HHIPL1: variants seen among roughly 807,000 people sequenced by gnomAD.
HHIPL1 encodes the protein HHIP-like protein 1.
A neutral mutation model predicts 61.8 loss-of-function variants in HHIPL1; 43 were observed. That is an observed-to-expected ratio of 0.70 (90% CI 0.55 to 0.90). HHIPL1 has a LOEUF of 0.90. HHIPL1 is among the 40% of genes least tolerant of loss of function. The pLI is 0.00. For missense variants in HHIPL1, 1,056 were observed against 1,157.7 expected, an observed-to-expected ratio of 0.91 and a Z score of 1.28; for synonymous variants, 482 against 515.8, an observed-to-expected ratio of 0.93 and a Z score of 0.89.
chr14:99,621,107 CT>C, the HHIPL1 span, among the ~76,000 whole-genome samples: 19 of 151,630 alleles, frequency 1.3e-4, no homozygotes, highest in East Asian at 5.8e-4. Flanking sequence ...GTTATGCCCA[CT>C]TTTTTTTTGA....
rs1221339596 is a variant in HHIPL1, at chr14:99,672,303, T to C, written c.1731-14T>C. On this transcript the variant is annotated splice_polypyrimidine_tract_variant and intron_variant, in intron 7 of 8. Coordinates refer to ENST00000330710, the MANE Select transcript of HHIPL1 (RefSeq NM_001127258.3). The stretch of plus-strand genomic sequence containing the variant: ...CCAGGGTGAGACTCATAACCTCCTG[T>C]GTGTCGTTGGCAGGCGGGCACCACC... The C allele has an allele frequency of 6.4e-7, 1 of 1,550,672 alleles. No homozygotes were observed. Among genetic ancestry groups the C allele is most frequent in the Non-Finnish European group, 8.7e-7 (1 of 1,146,544 alleles).
chr14:99,665,051 G>A (rs143002395), intron 6 of HHIPL1, among the ~76,000 whole-genome samples: 2 of 152,032 alleles, frequency 1.3e-5, no homozygotes, highest in Non-Finnish European at 2.9e-5. Flanking sequence ...AGCCCCCGGA[G>A]CAGCTGGGAT....
intron 5 of HHIPL1, among the ~76,000 whole-genome samples, chr14:99,661,032 G>A (rs983730697): frequency 2.0e-5 from 3 of 152,208 alleles, no homozygotes; most frequent in Non-Finnish European, 2.9e-5. Flanking sequence ...TGCTGTGGGA[G>A]GAGGATGAAT....
intron 1 of HHIPL1, among the ~76,000 whole-genome samples, chr14:99,645,963 C>G (rs73348539): frequency 0.18 from 27,186 of 152,208 alleles, 2,563 homozygotes; most frequent in Middle Eastern, 0.3. Flanking sequence ...GCCACTGTCC[C>G]CCACGAGCGT....
the HHIPL1 span, among the ~76,000 whole-genome samples, chr14:99,616,411 G>T: frequency 0.16 from 23,955 of 152,200 alleles, 2,424 homozygotes; most frequent in East Asian, 0.31. Context: ...AAAAATTATG[G>T]TGTAGCATTA....
At chr14:99,669,032 T>G in intron 7 of HHIPL1, 1 of 1,486,018 alleles carries the variant, frequency 6.7e-7, no homozygotes, top group Admixed American at 2.5e-5. Context: ...TGCCTTCACC[T>G]CACCCTCTTC....
chr14:99,648,428 T>C (rs2055875226), intron 1 of HHIPL1, among the ~76,000 whole-genome samples: 1 of 152,156 alleles, frequency 6.6e-6, no homozygotes, highest in Non-Finnish European at 1.5e-5. Flanking sequence ...CCATGGGGAA[T>C]GTGTGCGCTG....
chr14:99,659,418 CCGCCCG>C lies in HHIPL1; in HGVS notation c.1047-8_1047-3del, dbSNP rs889596830. On this transcript the variant is annotated splice_region_variant and splice_polypyrimidine_tract_variant and intron_variant, in intron 3 of 8. Coordinates refer to ENST00000330710, the MANE Select transcript of HHIPL1 (RefSeq NM_001127258.3). Reference sequence around the variant, plus strand: ...ACCCCGAGCCGCGCCCTCTCCCACCCCGCCCGCAGGTCGGCGCTGCTGGGCAAGGTG... The same window carrying C: ...ACCCCGAGCCGCGCCCTCTCCCACCCCAGGTCGGCGCTGCTGGGCAAGGTG... 1 of 1,427,180 alleles carries C rather than the reference CCGCCCG, an allele frequency of 7.0e-7. No homozygotes were observed. The highest frequency in any genetic ancestry group is 9.1e-7 in the Non-Finnish European group (1 of 1,093,572). 88.4% of individuals were successfully genotyped at this position (1,427,180 alleles called of 1,614,324 possible).
chr14:99,659,857 CCCG>C, intron 4 of HHIPL1, 101 bp downstream of exon 4: 17 of 620,960 alleles, frequency 2.7e-5, no homozygotes, highest in Admixed American at 4.6e-5. Context: ...CCCCCCCCCC[CCCG>C]GAGATCCCTG....
intron 7 of HHIPL1, among the ~76,000 whole-genome samples, chr14:99,670,244 T>C (rs192352583): frequency 0.012 from 1,853 of 152,272 alleles, 21 homozygotes; most frequent in Non-Finnish European, 0.021. Flanking sequence ...CCCGAGTAGC[T>C]GGGACTACAG....
upstream of HHIPL1, among the ~76,000 whole-genome samples, chr14:99,641,728 C>G (rs1246386605): frequency 6.6e-6 from 1 of 151,516 alleles, no homozygotes; most frequent in Non-Finnish European, 1.5e-5. Flanking sequence ...TGCCTGGTTT[C>G]TAATGTTTGC....
rs976493571 is a variant in HHIPL1 at position 99,660,502 on chromosome 14, T to A, written c.1502+96T>A. The A allele has an allele frequency of 2.8e-6, 4 of 1,421,896 alleles. No individual in the cohort carries two copies. Among genetic ancestry groups the A allele is most frequent in the Non-Finnish European group, 2.9e-6 (3 of 1,039,414 alleles). 88.1% of individuals were successfully genotyped at this position (1,421,896 alleles called of 1,614,324 possible). A position where few individuals can be genotyped will look rare whatever the true frequency, so the allele number is the denominator to read the frequency against. The stretch of plus-strand genomic sequence containing the variant: ...GGGAGTGTATGTGTGCGCCCGTTCC[T>A]GCACATGTGCCTCGCTGCTCTGACA... On this transcript the variant is annotated intron_variant, in intron 5 of 8. Coordinates refer to ENST00000330710, the MANE Select transcript of HHIPL1 (RefSeq NM_001127258.3). This position sits in a 1 kb window ranked among gnomAD's most constrained non-coding sequence, Gnocchi z 4.9.
chr14:99,618,189 G>A, the HHIPL1 span, among the ~76,000 whole-genome samples: 1 of 152,174 alleles, frequency 6.6e-6, no homozygotes, highest in Non-Finnish European at 1.5e-5. Context: ...CTAGAGAGGG[G>A]ACACCGCTAG....
At chr14:99,616,971 G>C in the HHIPL1 span, among the ~76,000 whole-genome samples, 1 of 152,166 alleles carries the variant, frequency 6.6e-6, no homozygotes, top group African/African-American at 2.4e-5. Context: ...TCTCATAGGA[G>C]CTGAGAACAA....
intron 6 of HHIPL1, among the ~76,000 whole-genome samples, chr14:99,665,402 G>A (rs542666030): frequency 6.6e-6 from 1 of 152,162 alleles, no homozygotes; most frequent in South Asian, 2.1e-4. Context: ...TGGAATGGGG[G>A]TCTTATGACC....
chr14:99,652,254 G>T lies in HHIPL1; in HGVS notation c.286G>T (p.Asp96Tyr), dbSNP rs1339939137. The change falls in exon 2 of 9, where the codon GAC becomes TAC. Residue 96 changes from aspartate to tyrosine, a missense_variant. Coordinates refer to ENST00000330710, the MANE Select transcript of HHIPL1 (RefSeq NM_001127258.3). ...CTCGCCGTATGCAGCCCACCTCTAT[G>T]ACGCCGAGGACCCATTCACGCCCCT... ...ECSPYAAHLY[D>Y]AEDPFTPLRT... The T allele has an allele frequency of 6.2e-7, 1 of 1,610,168 alleles. No homozygotes were observed. Among genetic ancestry groups the T allele is most frequent in the East Asian group, 2.2e-5 (1 of 44,786 alleles).
In HHIPL1 at chr14:99,668,295, C is replaced by A. The variant is rs765109660; in HGVS notation, c.1722C>A (p.Asp574Glu). The change falls in exon 7 of 9, where the codon GAC (aspartate) becomes GAA (glutamate). Residue 574 changes from aspartate to glutamate, a missense_variant. By Grantham distance (45) the Asp-to-Glu change is conservative. Transcript: ENST00000330710. The surrounding 1 kb of genome is among the most constrained non-coding windows in gnomAD (Gnocchi z 4.7). ...GCGGAGTTGTCTACAAAATAATTGACGCATCCAGGTGAGTCCCAGCCTCCA... is the reference window on the plus strand; with the variant it reads ...GCGGAGTTGTCTACAAAATAATTGAAGCATCCAGGTGAGTCCCAGCCTCCA... ...APRGVVYKIIDASRRAPPGKC... is the reference protein window; with the variant it reads ...APRGVVYKIIEASRRAPPGKC... 5 of 1,605,116 alleles carry A rather than the reference C, an allele frequency of 3.1e-6. No individual in the cohort carries two copies. The highest frequency in any genetic ancestry group is 1.7e-5 in the Admixed American group (1 of 60,020).
the HHIPL1 span, among the ~76,000 whole-genome samples, chr14:99,610,255 A>G: frequency 2.6e-5 from 4 of 152,188 alleles, no homozygotes; most frequent in East Asian, 7.7e-4. Flanking sequence ...TATTATTCTT[A>G]TGGTGAACTG....
chr14:99,611,293 A>AT, the HHIPL1 span, among the ~76,000 whole-genome samples: 805 of 127,360 alleles, frequency 6.3e-3, 5 homozygotes, highest in Admixed American at 7.3e-3. Flanking sequence ...ACCACCTGTA[A>AT]TTTTTTTTTT....
Sources: allele counts gnomAD v4.1 joint callset (sites outside exome capture counted in the v4.1 genomes callset), GRCh38; gene constraint gnomAD v4.1.1; non-coding constraint Gnocchi (gnomAD v3.1); transcripts MANE v1.5; gene names NCBI Gene and HGNC (gene_info 2026-07-23, HGNC 2026-07-21).